The following CASP4 variants were observed in gnomAD, a reference collection of about 807,000 sequenced individuals.
CASP4 encodes caspase-4.
Under a neutral mutation model 41.3 loss-of-function variants are expected in CASP4, and 29 were observed. The ratio of observed to expected loss-of-function variants is 0.70; its 90% CI spans 0.52 to 0.96. The LOEUF (loss-of-function observed/expected upper bound fraction) is 0.96, where lower values mean the gene tolerates loss of function less well. CASP4 is among the 40% of genes least tolerant of loss of function. The probability of loss-of-function intolerance (pLI) is 0.00; values close to 1 mark genes in which losing one functional copy is unlikely to be tolerated. For synonymous variants in CASP4, 185 were observed against 158.4 expected (o/e 1.17, Z -1.26); for missense variants, 447 against 460.6 (o/e 0.97, Z 0.27).
intron 7 of CASP4, among the ~76,000 whole-genome samples, 171 bp from the exon 8 acceptor site, chr11:104,945,022 C>A (rs1330485262): frequency 6.6e-6 from 1 of 152,172 alleles, no homozygotes; most frequent in Non-Finnish European, 1.5e-5. Context: ...TTAGAATTGC[C>A]ACTCCATGTC....
chr11:104,947,453 G>A (rs568336777), intron 6 of CASP4: 38 of 237,836 alleles, frequency 1.6e-4, no homozygotes, highest in Non-Finnish European at 2.7e-4. Context: ...CTTGGGATTG[G>A]CTTTCTACTA....
chr11:104,949,406 G>A (rs1362463293), intron 5 of CASP4, 137 bp downstream of exon 5: 2 of 897,090 alleles, frequency 2.2e-6, no homozygotes, highest in East Asian at 2.6e-5. Flanking sequence ...AGACCCTTAG[G>A]TAGAGTTTCT....
chr11:104,951,262 C>A, intron 3 of CASP4, 164 bp from the exon 4 acceptor site: 1 of 519,372 alleles, frequency 1.9e-6, no homozygotes, highest in Non-Finnish European at 3.3e-6. Context: ...GGGAAAGAAC[C>A]GGACATATCT....
chr11:104,943,820 C>A (rs1860383518), intron 8 of CASP4: 1 of 152,138 alleles, frequency 6.6e-6, no homozygotes, highest in African/African-American at 2.4e-5. Flanking sequence ...AATATTGTGA[C>A]TGAAGTGTCA....
At chr11:104,962,000 CTGAGCTTTG>C (rs1369238364) in intron 1 of CASP4, among the ~76,000 whole-genome samples, 1 of 152,188 alleles carries the variant, frequency 6.6e-6, no homozygotes, top group Non-Finnish European at 1.5e-5. Context: ...AGAAAAAAGT[CTGAGCTTTG>C]CCAGGTTGAT....
intron 7 of CASP4, among the ~76,000 whole-genome samples, chr11:104,946,082 C>T (rs1012756577): frequency 3.3e-5 from 5 of 151,988 alleles, no homozygotes; most frequent in African/African-American, 7.3e-5. Flanking sequence ...TGGGTTCAAG[C>T]CACTCCACCC....
intron 8 of CASP4, chr11:104,944,398 GAA>G (rs1860402723): frequency 4.7e-6 from 1 of 213,272 alleles, no homozygotes; most frequent in Admixed American, 5.3e-5. Flanking sequence ...GTGTGTGTAA[GAA>G]AGGGGAATAA....
In CASP4 at chr11:104,951,953, G is replaced by A. The variant is rs1158296325; in HGVS notation, c.315C>T (p.Ala105=). 6.2e-7 allele frequency: 1 copy of A among 1,612,710 alleles called. No individual in the cohort carries two copies. The highest frequency in any genetic ancestry group is 8.5e-7 in the Non-Finnish European group (1 of 1,179,364). ...GPPESGESTD[A]LKLCPHEEFL... is the part of the protein sequence containing the mutation. ...ATTCTTCATGAGGACAAAGCTTGAGGGCATCTGTAGATTCTCCTGACTCAG... is the reference window on the plus strand; with the variant it reads ...ATTCTTCATGAGGACAAAGCTTGAGAGCATCTGTAGATTCTCCTGACTCAG... The change falls in exon 3 of 9, where the codon GCC becomes GCT. Residue 105 remains alanine, a synonymous_variant. Coordinates refer to ENST00000444739, the MANE Select transcript of CASP4 (RefSeq NM_001225.4).
At chr11:104,963,275 T>C (rs1464811784) in intron 1 of CASP4, among the ~76,000 whole-genome samples, 1 of 152,210 alleles carries the variant, frequency 6.6e-6, no homozygotes, top group Non-Finnish European at 1.5e-5. Context: ...CTTGCCACTC[T>C]TAATGCACAC....
chr11:104,953,322 C>T (rs1385228655), intron 2 of CASP4, among the ~76,000 whole-genome samples: 2 of 152,086 alleles, frequency 1.3e-5, no homozygotes, highest in Non-Finnish European at 1.5e-5. Flanking sequence ...CTGCCTTATT[C>T]CTGCCACAGC....
intron 2 of CASP4, among the ~76,000 whole-genome samples, chr11:104,952,883 A>G (rs1474129954): frequency 1.3e-5 from 2 of 152,208 alleles, no homozygotes; most frequent in African/African-American, 4.8e-5. Context: ...ACAGTGATAT[A>G]TGACCTTCGG....
At chr11:104,961,018 C>A (rs1860846676) in intron 1 of CASP4, among the ~76,000 whole-genome samples, 2 of 152,190 alleles carry the variant, frequency 1.3e-5, no homozygotes, top group African/African-American at 4.8e-5. Context: ...ACCACCTTTG[C>A]AAAATTATAA....
chr11:104,943,177 A>T (rs954377733), intron 8 of CASP4: 3 of 332,576 alleles, frequency 9.0e-6, no homozygotes, highest in Non-Finnish European at 1.8e-5. Flanking sequence ...TTTCTAAAGC[A>T]CTAGAAAGGC....
At chr11:104,950,202 A>G (rs1397666371) in intron 4 of CASP4, among the ~76,000 whole-genome samples, 1 of 151,314 alleles carries the variant, frequency 6.6e-6, no homozygotes, top group Non-Finnish European at 1.5e-5. Context: ...TTCAACCTCT[A>G]GTCACACTGG....
intron 6 of CASP4, 68 bp from the exon 7 acceptor site, chr11:104,947,260 T>C (rs1376335001): frequency 3.1e-6 from 3 of 972,242 alleles, no homozygotes; most frequent in South Asian, 3.5e-5. Context: ...TATTTTTGTT[T>C]TGAGAATGTT....
rs761319308 is a variant in CASP4 at position 104,947,131 on chromosome 11, G to C, written c.987C>G (p.Cys329Trp). The C allele has an allele frequency of 8.7e-6, 14 of 1,612,888 alleles. No individual in the cohort carries two copies. The highest frequency in any genetic ancestry group is 1.2e-5 in the Non-Finnish European group (14 of 1,179,218). The change falls in exon 7 of 9, where the codon TGC becomes TGG. Residue 329 changes from cysteine (C) to tryptophan (W), a missense_variant. Cys to Trp is a radical substitution (Grantham distance 215, BLOSUM62 -2). Coordinates refer to ENST00000444739, the MANE Select transcript of CASP4 (RefSeq NM_001225.4). ...GSIFITQLITCFQKYSWCCHL... is the reference protein window; with the variant it reads ...GSIFITQLITWFQKYSWCCHL... ...GGCAGCACCAAGAATATTTCTGGAA[G>C]CATGTGATGAGTTGTGTGATGAAGA...
intron 7 of CASP4, among the ~76,000 whole-genome samples, chr11:104,945,472 G>C (rs558971581): frequency 3.3e-5 from 5 of 152,072 alleles, no homozygotes; most frequent in African/African-American, 1.2e-4. Flanking sequence ...TGTCCAGGCT[G>C]GTCTCAAACT....
intron 1 of CASP4, among the ~76,000 whole-genome samples, chr11:104,962,757 A>C (rs1860888681): frequency 1.3e-5 from 2 of 152,360 alleles, no homozygotes; most frequent in Admixed American, 6.5e-5. Context: ...CCTTCTTGGA[A>C]TAGCAATAGA....
intron 1 of CASP4, among the ~76,000 whole-genome samples, chr11:104,959,170 T>C (rs1418334176): frequency 6.6e-6 from 1 of 152,078 alleles, no homozygotes; most frequent in Non-Finnish European, 1.5e-5. Context: ...ATAGCCAAGA[T>C]ATAAAATCAA....
Sources: allele counts gnomAD v4.1 joint callset (sites outside exome capture counted in the v4.1 genomes callset), GRCh38; gene constraint gnomAD v4.1.1; transcripts MANE v1.5; gene names NCBI Gene and HGNC (gene_info 2026-07-23, HGNC 2026-07-21).